The following MDGA2 variants were observed in gnomAD, a reference collection of about 807,000 sequenced individuals.
The protein encoded by MDGA2 is MAM domain-containing glycosylphosphatidylinositol anchor protein 2.
In MDGA2, 40 loss-of-function variants were observed where a neutral mutation model predicts 117.8. That is an observed-to-expected ratio of 0.34 (90% CI 0.26 to 0.44). The LOEUF (loss-of-function observed/expected upper bound fraction) is 0.44, where lower values mean the gene tolerates loss of function less well. MDGA2 is among the 20% of genes least tolerant of loss of function. The probability of loss-of-function intolerance (pLI) is 1.00; values close to 1 mark genes in which losing one functional copy is unlikely to be tolerated. For synonymous variants in MDGA2, 452 were observed against 439.0 expected (o/e 1.03, Z -0.37); for missense variants, 1,123 against 1,250.6 (o/e 0.90, Z 1.54).
At chr14:47,653,163 C>T (rs1897676418) in intron 1 of MDGA2, among the ~76,000 whole-genome samples, 1 of 152,194 alleles carries the variant, frequency 6.6e-6, no homozygotes, top group South Asian at 2.1e-4. Flanking sequence ...CAGTTAAGGT[C>T]TTTTAAAATA....
chr14:47,247,794 CA>C (rs1329028819), intron 2 of MDGA2, among the ~76,000 whole-genome samples: 1 of 151,258 alleles, frequency 6.6e-6, no homozygotes, highest in Admixed American at 6.6e-5. Flanking sequence ...CCTCTCCTAG[CA>C]CCCCCCACTC....
At chr14:47,023,602 T>A (rs1315527265) in intron 8 of MDGA2, among the ~76,000 whole-genome samples, 1 of 152,136 alleles carries the variant, frequency 6.6e-6, no homozygotes, top group African/African-American at 2.4e-5. Flanking sequence ...ATATCCTAAT[T>A]TGAAATGTAT....
intron 3 of MDGA2, among the ~76,000 whole-genome samples, chr14:47,161,927 C>CTTTT (rs71112489): frequency 7.6e-5 from 4 of 52,510 alleles, no homozygotes; most frequent in East Asian, 5.6e-4. Flanking sequence ...TCCCCAGATC[C>CTTTT]TTTTTTTTTT....
At chr14:47,059,168 G>T in intron 7 of MDGA2, 1 of 808,338 alleles carries the variant, frequency 1.2e-6, no homozygotes. Context: ...TAGTCATTTT[G>T]TTAGTTAATA....
chr14:47,550,848 G>A (rs992204822), intron 1 of MDGA2, among the ~76,000 whole-genome samples: 1 of 152,020 alleles, frequency 6.6e-6, no homozygotes, highest in Admixed American at 6.6e-5. Context: ...TTGATAACCG[G>A]GTAACACACA....
At chr14:47,066,885 G>A (rs1352981385) in intron 6 of MDGA2, among the ~76,000 whole-genome samples, 1 of 152,092 alleles carries the variant, frequency 6.6e-6, no homozygotes, top group Admixed American at 6.6e-5. Flanking sequence ...AGGCTGAGAC[G>A]GGCAGAGAAC....
intron 1 of MDGA2, among the ~76,000 whole-genome samples, chr14:47,571,514 T>G (rs943275596): frequency 6.6e-6 from 1 of 152,134 alleles, no homozygotes; most frequent in Non-Finnish European, 1.5e-5. Context: ...CAAATGTCCA[T>G]TAATGATAGA....
intron 10 of MDGA2, among the ~76,000 whole-genome samples, chr14:46,905,599 T>C (rs528133503): frequency 6.6e-6 from 1 of 152,152 alleles, no homozygotes. Flanking sequence ...ATCAAGTTAT[T>C]ATCTGGGTAT....
intron 1 of MDGA2, among the ~76,000 whole-genome samples, chr14:47,644,174 C>T (rs764411114): frequency 6.6e-6 from 1 of 152,040 alleles, no homozygotes; most frequent in Non-Finnish European, 1.5e-5. Context: ...CACTCTAATC[C>T]CTAAAAGCTG....
intron 9 of MDGA2, among the ~76,000 whole-genome samples, chr14:46,949,893 G>A (rs1005875153): frequency 5.3e-5 from 8 of 151,784 alleles, no homozygotes; most frequent in Admixed American, 4.0e-4. Context: ...AGGGTTGAAT[G>A]CTAGTGGCAC....
At chr14:47,594,125 A>T (rs1896493261) in intron 1 of MDGA2, among the ~76,000 whole-genome samples, 1 of 152,194 alleles carries the variant, frequency 6.6e-6, no homozygotes, top group Non-Finnish European at 1.5e-5. Flanking sequence ...TAGATTCAGC[A>T]TAGAGTGAAG....
At position 47,077,278 on chromosome 14, in the gene MDGA2, T is replaced by A. The variant is rs78918116; in HGVS notation, c.1196-15700A>T. On this transcript the variant is annotated intron_variant, in intron 6 of 16. Transcript: ENST00000399232. ...TTTCGTTTTGGTCATTTTCTTTGCT[T>A]GTAACTATCAGCTCTTATTCCTTAC... 9.8e-3 allele frequency among the ~76,000 whole-genome samples: 1,488 copies of A among 152,224 alleles called. 8 individuals carry two copies. Among genetic ancestry groups the A allele is most frequent in the Middle Eastern group, 0.027 (8 of 294 alleles).
At chr14:46,917,716 CAG>C (rs1883957038) in intron 10 of MDGA2, among the ~76,000 whole-genome samples, 1 of 152,090 alleles carries the variant, frequency 6.6e-6, no homozygotes, top group South Asian at 2.1e-4. Flanking sequence ...CACTGCGTAT[CAG>C]GGAGTTATAC....
intron 14 of MDGA2, among the ~76,000 whole-genome samples, chr14:46,869,081 C>T (rs879767404): frequency 6.6e-6 from 1 of 151,938 alleles, no homozygotes; most frequent in Non-Finnish European, 1.5e-5. Flanking sequence ...AATCCCACAT[C>T]TCTATTTATC....
rs370674171 is a variant in MDGA2 at position 47,472,079 on chromosome 14, AC to A, written c.281-170530del. Among the ~76,000 whole-genome samples the A allele has an allele frequency of 2.4e-3, 371 of 152,290 alleles. 1 individual carries two copies. Among genetic ancestry groups the A allele is most frequent in the African/African-American group, 8.3e-3 (347 of 41,568 alleles). ...TTAATTGTAAGAGTAACATAACAAA[AC>A]TAATGATAATCCAGAAAAAGGGAGA... On this transcript the variant is annotated intron_variant, in intron 1 of 16. Coordinates refer to ENST00000399232, the MANE Select transcript of MDGA2 (RefSeq NM_001113498.3).
chr14:47,358,337 G>C (rs1352569178), intron 1 of MDGA2, among the ~76,000 whole-genome samples: 1 of 152,114 alleles, frequency 6.6e-6, no homozygotes, highest in African/African-American at 2.4e-5. Flanking sequence ...AGTGGTCTCT[G>C]TACTTGTTAA....
At chr14:47,223,322 GGAAT>G (rs986615823) in intron 2 of MDGA2, among the ~76,000 whole-genome samples, 1 of 152,008 alleles carries the variant, frequency 6.6e-6, no homozygotes, top group African/African-American at 2.4e-5. Flanking sequence ...TACATATTAA[GGAAT>G]GAATGAATGA....
intron 1 of MDGA2, among the ~76,000 whole-genome samples, chr14:47,549,077 G>C (rs1239003639): frequency 2.0e-5 from 3 of 152,128 alleles, no homozygotes; most frequent in Non-Finnish European, 4.4e-5. Flanking sequence ...AATCAGTGAG[G>C]ATGGAGTTTT....
At chr14:47,538,819 T>TTA (rs1450182224) in intron 1 of MDGA2, among the ~76,000 whole-genome samples, 1 of 152,194 alleles carries the variant, frequency 6.6e-6, no homozygotes. Flanking sequence ...TGCCAGCACT[T>TTA]AATTAGTGAT....
Sources: allele counts gnomAD v4.1 joint callset (sites outside exome capture counted in the v4.1 genomes callset), GRCh38; gene constraint gnomAD v4.1.1; transcripts MANE v1.5; gene names NCBI Gene and HGNC (gene_info 2026-07-23, HGNC 2026-07-21).